HECW2: variants seen among roughly 807,000 people sequenced by gnomAD.
The protein encoded by HECW2 is HECT, C2 and WW domain containing E3 ubiquitin protein ligase 2, also known as E3 ubiquitin-protein ligase HECW2.
A neutral mutation model predicts 175.2 loss-of-function variants in HECW2; 61 were observed. The observed-to-expected ratio is 0.35, with a 90% CI of 0.28 to 0.43. The LOEUF is 0.43. Among genes scored for constraint, HECW2 ranks in the 20% least tolerant of loss-of-function variants. The pLI, the probability that HECW2 is intolerant of heterozygous loss-of-function variation, is 1.00. For synonymous variants in HECW2, 671 were observed against 731.0 expected, an observed-to-expected ratio of 0.92 and a Z score of 1.32; for missense variants, 1,524 against 2,000.5, an observed-to-expected ratio of 0.76 and a Z score of 4.54.
intron 13 of HECW2, among the ~76,000 whole-genome samples, chr2:196,294,422 T>C (rs1690728574): frequency 6.6e-6 from 1 of 152,220 alleles, no homozygotes; most frequent in African/African-American, 2.4e-5. Flanking sequence ...TCAGGGACAC[T>C]AGACTGAGTC....
intron 1 of HECW2, among the ~76,000 whole-genome samples, chr2:196,447,770 A>G (rs1326123478): frequency 6.6e-6 from 1 of 152,170 alleles, no homozygotes; most frequent in Non-Finnish European, 1.5e-5. Flanking sequence ...AAGTTTCAAC[A>G]CTTTGGGCCA....
At chr2:196,257,561 T>TC (rs1236224068) in intron 18 of HECW2, among the ~76,000 whole-genome samples, 1 of 152,188 alleles carries the variant, frequency 6.6e-6, no homozygotes, top group Non-Finnish European at 1.5e-5. Flanking sequence ...GAGATTCTAT[T>TC]CATTACAACC....
chr2:196,455,333 C>G (rs1237063714), intron 1 of HECW2, among the ~76,000 whole-genome samples: 1 of 152,112 alleles, frequency 6.6e-6, no homozygotes, highest in Non-Finnish European at 1.5e-5. Flanking sequence ...TGCCCGGCCC[C>G]TTTTACTTAA....
intron 1 of HECW2, among the ~76,000 whole-genome samples, chr2:196,445,448 G>A (rs889607918): frequency 3.9e-5 from 6 of 152,092 alleles, no homozygotes; most frequent in Non-Finnish European, 8.8e-5. Context: ...AGGTTCAGGG[G>A]TACATGTGCA....
intron 1 of HECW2, among the ~76,000 whole-genome samples, chr2:196,540,459 G>C (rs1043699233): frequency 6.1e-4 from 93 of 151,846 alleles, no homozygotes; most frequent in African/African-American, 2.2e-3. Context: ...TATTTTTAGA[G>C]ACAGGTTCTC....
At chr2:196,459,067 T>A (rs982882582) in intron 1 of HECW2, among the ~76,000 whole-genome samples, 16 of 152,106 alleles carry the variant, frequency 1.1e-4, no homozygotes, top group African/African-American at 3.1e-4. Flanking sequence ...GGAGAGATAA[T>A]GCTAAAAAAA....
At chr2:196,400,677 C>T (rs1310723901) in intron 2 of HECW2, among the ~76,000 whole-genome samples, 1 of 152,024 alleles carries the variant, frequency 6.6e-6, no homozygotes, top group Admixed American at 6.6e-5. Flanking sequence ...TCATGAAAAC[C>T]TTACTAAACA....
At chr2:196,212,025 C>T (rs951242544) in intron 28 of HECW2, among the ~76,000 whole-genome samples, 1 of 152,052 alleles carries the variant, frequency 6.6e-6, no homozygotes, top group African/African-American at 2.4e-5. Flanking sequence ...TTAGTAGAGA[C>T]AGGGTTTCAC....
At chr2:196,259,131 G>A (rs554573466) in intron 17 of HECW2, among the ~76,000 whole-genome samples, 1 of 152,184 alleles carries the variant, frequency 6.6e-6, no homozygotes, top group Non-Finnish European at 1.5e-5. Context: ...GTGTCACCAC[G>A]CCCAGCTAAT....
At chr2:196,526,930 T>G (rs1297151130) in intron 1 of HECW2, among the ~76,000 whole-genome samples, 2 of 152,024 alleles carry the variant, frequency 1.3e-5, no homozygotes, top group African/African-American at 4.8e-5. Context: ...GCTGTCTTTT[T>G]GTTTGTCTGT....
intron 1 of HECW2, among the ~76,000 whole-genome samples, chr2:196,538,389 G>C (rs1389607159): frequency 1.3e-5 from 2 of 152,156 alleles, no homozygotes; most frequent in Non-Finnish European, 2.9e-5. Context: ...ACTGCGGTGA[G>C]GGCAGTAAAA....
At chr2:196,363,023 GAC>G (rs1370230975) in intron 2 of HECW2, among the ~76,000 whole-genome samples, 1 of 152,090 alleles carries the variant, frequency 6.6e-6, no homozygotes, top group Non-Finnish European at 1.5e-5. Flanking sequence ...CCTTAACCCA[GAC>G]ACAGTTTGCC....
chr2:196,214,456 A>G lies in HECW2; in HGVS notation c.4607+1409T>C, dbSNP rs575212487. On this transcript the variant is annotated intron_variant, in intron 28 of 28. Coordinates refer to ENST00000644978, the MANE Select transcript of HECW2 (RefSeq NM_001348768.2). ...TTCCTTCTTCAATGCAAATTCTTAA[A>G]GAGTTTCTCAGAAGAGTAAAAAGCC... is the stretch of plus-strand genomic sequence containing the variant. Among the ~76,000 whole-genome samples, 21 of 152,368 alleles carry G rather than the reference A, an allele frequency of 1.4e-4. No homozygotes were observed. In the South Asian group the frequency reaches 4.3e-3, roughly 32 times the overall value.
intron 28 of HECW2, among the ~76,000 whole-genome samples, chr2:196,207,865 G>C (rs886824901): frequency 5.3e-5 from 8 of 152,208 alleles, no homozygotes; most frequent in African/African-American, 9.6e-5. Flanking sequence ...ATTCCCATAG[G>C]GGGGAATTCC....
intron 17 of HECW2, among the ~76,000 whole-genome samples, chr2:196,258,920 T>C (rs939290225): frequency 6.6e-6 from 1 of 152,206 alleles, no homozygotes; most frequent in Non-Finnish European, 1.5e-5. Context: ...ATTTAGTTCT[T>C]ATCTACAAGC....
chr2:196,510,237 C>T (rs1687898915), intron 1 of HECW2, among the ~76,000 whole-genome samples: 1 of 152,166 alleles, frequency 6.6e-6, no homozygotes, highest in African/African-American at 2.4e-5. Context: ...AAGCCACAAC[C>T]CGCCACCATC....
At chr2:196,225,968 AT>A in intron 22 of HECW2, 98 bp from the exon 23 acceptor site, 2 of 719,174 alleles carry the variant, frequency 2.8e-6, no homozygotes, top group Non-Finnish European at 4.9e-6. Flanking sequence ...AACCATCTAA[AT>A]TTTTCCAATA....
chr2:196,219,530 C>A (rs191464849), intron 26 of HECW2, among the ~76,000 whole-genome samples: 1 of 152,280 alleles, frequency 6.6e-6, no homozygotes, highest in East Asian at 1.9e-4. Flanking sequence ...GAAATTCATG[C>A]TTGAATTTAG....
chr2:196,315,808 T>C (rs1691673860), intron 10 of HECW2: 11 of 152,168 alleles, frequency 7.2e-5, no homozygotes, highest in Admixed American at 7.2e-4. Context: ...GAGACCAAAC[T>C]TGTATACAGC....
Sources: gnomAD v4.1 joint callset for allele counts (sites outside exome capture counted in the v4.1 genomes callset) on GRCh38, gnomAD v4.1.1 for gene constraint, MANE v1.5 for transcripts, NCBI Gene and HGNC (gene_info 2026-07-23, HGNC 2026-07-21) for gene names.